The following RGS6 variants were observed in gnomAD, a reference collection of about 807,000 sequenced individuals.
RGS6 encodes regulator of G-protein signaling 6.
In RGS6, 30 loss-of-function variants were observed where a neutral mutation model predicts 78.5. That is an observed-to-expected ratio of 0.38 (90% CI 0.29 to 0.52). The LOEUF (loss-of-function observed/expected upper bound fraction) is 0.52, where lower values mean the gene tolerates loss of function less well. Among genes scored for constraint, RGS6 ranks in the 20% least tolerant of loss-of-function variants. The pLI is 0.85. For synonymous variants in RGS6, 206 were observed against 206.0 expected, an observed-to-expected ratio of 1.00 and a Z score of 0.00; for missense variants, 495 against 609.7, an observed-to-expected ratio of 0.81 and a Z score of 1.98.
intron 2 of RGS6, among the ~76,000 whole-genome samples, chr14:72,174,766 A>G (rs1008617302): frequency 2.0e-5 from 3 of 152,202 alleles, no homozygotes; most frequent in African/African-American, 7.2e-5. Flanking sequence ...CACCTATCAG[A>G]GCTATTCAAC....
intron 2 of RGS6, among the ~76,000 whole-genome samples, chr14:72,276,603 A>C (rs1457926279): frequency 1.3e-5 from 2 of 152,156 alleles, no homozygotes; most frequent in East Asian, 3.8e-4. Flanking sequence ...TAATTGAATC[A>C]TGGGGGTGGT....
chr14:72,223,791 A>G (rs146020364), intron 2 of RGS6, among the ~76,000 whole-genome samples: 48 of 152,336 alleles, frequency 3.2e-4, no homozygotes, highest in African/African-American at 1.1e-3. Flanking sequence ...TACTCTACAA[A>G]TGGGGAGAAA....
chr14:71,888,483 C>T, the RGS6 span, among the ~76,000 whole-genome samples: 1 of 151,952 alleles, frequency 6.6e-6, no homozygotes, highest in Non-Finnish European at 1.5e-5. Flanking sequence ...CTTGCTCCCT[C>T]CTGCTTCCTA....
At chr14:72,534,157 A>T (rs1487575976) in intron 15 of RGS6, among the ~76,000 whole-genome samples, 1 of 152,246 alleles carries the variant, frequency 6.6e-6, no homozygotes, top group African/African-American at 2.4e-5. Flanking sequence ...CTAATCAGTC[A>T]GTATCCAACA....
chr14:72,145,486 T>G (rs2096595931), intron 2 of RGS6, among the ~76,000 whole-genome samples: 1 of 152,154 alleles, frequency 6.6e-6, no homozygotes, highest in African/African-American at 2.4e-5. Context: ...TAAAATTTTG[T>G]AAAGGTGGTT....
chr14:72,467,951 G>A (rs1028181158), intron 7 of RGS6, among the ~76,000 whole-genome samples: 2 of 152,140 alleles, frequency 1.3e-5, no homozygotes, highest in Non-Finnish European at 2.9e-5. Context: ...GTAGAAGCCT[G>A]GGGCCCCTCC....
chr14:72,384,893 G>A (rs944762248), intron 3 of RGS6, among the ~76,000 whole-genome samples: 2 of 152,182 alleles, frequency 1.3e-5, no homozygotes, highest in African/African-American at 4.8e-5. Context: ...TGGGATTACA[G>A]GCTTCCGCCA....
intron 3 of RGS6, among the ~76,000 whole-genome samples, chr14:72,448,452 CT>C (rs2095418992): frequency 6.6e-6 from 1 of 152,016 alleles, no homozygotes; most frequent in Admixed American, 6.6e-5. Context: ...AACATTTCCT[CT>C]TAGTTAAGCT....
At chr14:72,586,890 C>A in the RGS6 span, among the ~76,000 whole-genome samples, 1 of 152,082 alleles carries the variant, frequency 6.6e-6, no homozygotes, top group Non-Finnish European at 1.5e-5. Context: ...AATCAGTCAA[C>A]CAACGAGAAT....
At chr14:71,978,159 T>C (rs1046967831) in intron 2 of RGS6, among the ~76,000 whole-genome samples, 4 of 139,710 alleles carry the variant, frequency 2.9e-5, no homozygotes, top group African/African-American at 1.0e-4. Context: ...AAAGAGATTT[T>C]GGGCTGAGAC....
intron 2 of RGS6, among the ~76,000 whole-genome samples, chr14:72,240,883 G>C (rs2052595188): frequency 6.6e-6 from 1 of 152,114 alleles, no homozygotes. Context: ...CTTTGGCCAG[G>C]CGCGGTGGCT....
At chr14:72,461,681 G>C (rs1263361391) in intron 6 of RGS6, among the ~76,000 whole-genome samples, 1 of 152,122 alleles carries the variant, frequency 6.6e-6, no homozygotes, top group Non-Finnish European at 1.5e-5. Flanking sequence ...GATAGAGGAA[G>C]ACCCTGTCTC....
chr14:72,179,058 C>G (rs2097141492), intron 2 of RGS6, among the ~76,000 whole-genome samples: 1 of 152,158 alleles, frequency 6.6e-6, no homozygotes, highest in Non-Finnish European at 1.5e-5. Context: ...TAAAAATAAC[C>G]AGAAAATCAT....
At chr14:72,207,969 G>A (rs1200310685) in intron 2 of RGS6, among the ~76,000 whole-genome samples, 1 of 152,174 alleles carries the variant, frequency 6.6e-6, no homozygotes, top group Non-Finnish European at 1.5e-5. Flanking sequence ...GGCATAATAA[G>A]GGCTCTATGT....
rs143152651 is a variant in RGS6 at position 72,114,142 on chromosome 14, A to G, written c.84+149267A>G. Among the ~76,000 whole-genome samples the G allele has an allele frequency of 9.2e-5, 14 of 152,324 alleles. 1 individual carries two copies. The East Asian group carries it at 2.7e-3, about 29-fold the overall frequency. On this transcript the variant is annotated intron_variant, in intron 2 of 17. Transcript: ENST00000553525. Reference sequence around the variant, plus strand: ...CATCTTTTCACAGCTTTACTCAGGTAGGGTGGATGTATAAGTGTGTGTGTC... The same window carrying G: ...CATCTTTTCACAGCTTTACTCAGGTGGGGTGGATGTATAAGTGTGTGTGTC...
chr14:72,387,500 G>A (rs2088555845), intron 3 of RGS6, among the ~76,000 whole-genome samples: 1 of 151,198 alleles, frequency 6.6e-6, no homozygotes, highest in Admixed American at 6.6e-5. Context: ...AGTGAGCCGA[G>A]ATCGCACCAC....
At chr14:72,272,166 G>A (rs1340810861) in intron 2 of RGS6, among the ~76,000 whole-genome samples, 1 of 152,090 alleles carries the variant, frequency 6.6e-6, no homozygotes, top group Non-Finnish European at 1.5e-5. Flanking sequence ...ATCTCTAAAG[G>A]CACTGATTTT....
intron 2 of RGS6, among the ~76,000 whole-genome samples, chr14:71,983,037 A>G (rs2094535400): frequency 6.6e-6 from 1 of 152,182 alleles, no homozygotes; most frequent in Non-Finnish European, 1.5e-5. Context: ...AGAAAAGTGA[A>G]ACTTCCAGTA....
At chr14:71,948,927 A>G (rs2091952094) in intron 1 of RGS6, among the ~76,000 whole-genome samples, 1 of 151,828 alleles carries the variant, frequency 6.6e-6, no homozygotes, top group Admixed American at 6.6e-5. Flanking sequence ...AATCATACAT[A>G]TATGCCTGTA....
Sources: allele counts gnomAD v4.1 joint callset (sites outside exome capture counted in the v4.1 genomes callset), GRCh38; gene constraint gnomAD v4.1.1; transcripts MANE v1.5; gene names NCBI Gene and HGNC (gene_info 2026-07-23, HGNC 2026-07-21).